ITGBL1: variants seen among roughly 807,000 people sequenced by gnomAD.
ITGBL1 encodes the protein integrin subunit beta like 1.
Under a neutral mutation model 68.5 loss-of-function variants are expected in ITGBL1, and 51 were observed. The observed-to-expected ratio is 0.74, with a 90% CI of 0.59 to 0.94. The LOEUF is 0.94. ITGBL1 is among the 40% of genes least tolerant of loss of function. ITGBL1 has a pLI of 0.00. For missense variants in ITGBL1, 649 were observed against 647.4 expected, an observed-to-expected ratio of 1.00 and a Z score of -0.03; for synonymous variants, 209 against 227.3, an observed-to-expected ratio of 0.92 and a Z score of 0.72.
intron 2 of ITGBL1, among the ~76,000 whole-genome samples, chr13:101,507,681 CAG>C (rs1318294439): frequency 6.6e-6 from 1 of 151,962 alleles, no homozygotes; most frequent in East Asian, 1.9e-4. Flanking sequence ...ATTGAGGTCA[CAG>C]AGCCATTGGA....
At chr13:101,710,929 A>T (rs2034436709) in intron 9 of ITGBL1, 1 of 152,236 alleles carries the variant, frequency 6.6e-6, no homozygotes, top group Non-Finnish European at 1.5e-5. Context: ...AGTTAGTACA[A>T]TAGTGAAAAC....
chr13:101,542,188 C>T lies in ITGBL1; in HGVS notation c.317-25511C>T, dbSNP rs1485358731. Among the ~76,000 whole-genome samples the T allele has an allele frequency of 3.9e-5, 6 of 152,278 alleles. No individual in the cohort carries two copies. The East Asian group carries it at 1.2e-3, about 29-fold the overall frequency. On this transcript the variant is annotated intron_variant, in intron 2 of 10. Coordinates refer to ENST00000376180, the MANE Select transcript of ITGBL1 (RefSeq NM_004791.3). ...GATCTTTCCTGCTTTCTCTTGTGGGCATTTAGTGCTATAAATTTCCCTGTA... is the reference window on the plus strand; with the variant it reads ...GATCTTTCCTGCTTTCTCTTGTGGGTATTTAGTGCTATAAATTTCCCTGTA...
intron 2 of ITGBL1, among the ~76,000 whole-genome samples, chr13:101,546,291 G>C (rs182181710): frequency 6.6e-6 from 1 of 152,108 alleles, no homozygotes; most frequent in Non-Finnish European, 1.5e-5. Flanking sequence ...TTTCATTGTC[G>C]AGGTGGTGGT....
intron 7 of ITGBL1, among the ~76,000 whole-genome samples, chr13:101,665,414 T>C (rs948937597): frequency 1.3e-5 from 2 of 152,034 alleles, no homozygotes; most frequent in Non-Finnish European, 2.9e-5. Flanking sequence ...AAAATTTATA[T>C]TTTAAATGTT....
intron 7 of ITGBL1, among the ~76,000 whole-genome samples, chr13:101,627,093 C>A (rs1389060343): frequency 1.3e-5 from 2 of 152,044 alleles, no homozygotes; most frequent in South Asian, 2.1e-4. Context: ...TTGAAACTTG[C>A]GGTTTTCTGT....
chr13:101,597,653 A>G (rs984454354), intron 6 of ITGBL1, among the ~76,000 whole-genome samples: 2 of 151,862 alleles, frequency 1.3e-5, no homozygotes, highest in African/African-American at 2.4e-5. Flanking sequence ...CCTGGGTTCA[A>G]GTGACTCTCC....
At chr13:101,465,193 C>T (rs75610504) in intron 2 of ITGBL1, among the ~76,000 whole-genome samples, 5,346 of 152,108 alleles carry the variant, frequency 0.035, 319 homozygotes, top group African/African-American at 0.12. Flanking sequence ...AGCTTCTTTT[C>T]TTTTTTCAAA....
At chr13:101,684,110 T>C (rs2033702054) in intron 7 of ITGBL1, among the ~76,000 whole-genome samples, 1 of 152,010 alleles carries the variant, frequency 6.6e-6, no homozygotes, top group Non-Finnish European at 1.5e-5. Context: ...CCAGCACCAT[T>C]TATGTGAAAA....
intron 7 of ITGBL1, among the ~76,000 whole-genome samples, chr13:101,599,872 A>G (rs2030243683): frequency 6.6e-6 from 1 of 152,170 alleles, no homozygotes; most frequent in Admixed American, 6.5e-5. Flanking sequence ...AGGTTGCGTG[A>G]TGCCTCCAGC....
At chr13:101,574,821 C>A (rs1227685059) in intron 3 of ITGBL1, among the ~76,000 whole-genome samples, 1 of 152,076 alleles carries the variant, frequency 6.6e-6, no homozygotes, top group Admixed American at 6.6e-5. Flanking sequence ...CCCTGAGAAT[C>A]TGGTGAGTTA....
intron 2 of ITGBL1, among the ~76,000 whole-genome samples, chr13:101,531,542 G>A (rs948692545): frequency 1.3e-5 from 2 of 150,294 alleles, no homozygotes; most frequent in East Asian, 3.9e-4. Flanking sequence ...TAAGACATTT[G>A]CACTCGAAAA....
chr13:101,716,402 G>A lies in ITGBL1; in HGVS notation c.*748G>A, dbSNP rs1039491359. On this transcript the variant is annotated 3_prime_UTR_variant, in exon 11 of 11. Coordinates refer to ENST00000376180, the MANE Select transcript of ITGBL1 (RefSeq NM_004791.3). ...TTCTCTTAAAGAAATTATGAAAAAT[G>A]TACAATTTAACATTTTAAATAAATA... 39 of 152,106 alleles carry A rather than the reference G, an allele frequency of 2.6e-4. No individual in the cohort carries two copies. Among genetic ancestry groups the A allele is most frequent in the African/African-American group, 9.2e-4 (38 of 41,418 alleles). The allele number at this position is 152,106 out of a possible 1,614,324, so 9.4% of individuals were successfully genotyped here.
At chr13:101,602,598 T>C (rs1452684355) in intron 7 of ITGBL1, among the ~76,000 whole-genome samples, 2 of 152,012 alleles carry the variant, frequency 1.3e-5, no homozygotes, top group Non-Finnish European at 2.9e-5. Flanking sequence ...ATAATTCACA[T>C]ACCACAAAAT....
chr13:101,673,814 G>A lies in ITGBL1; in HGVS notation c.1016-18771G>A, dbSNP rs79596802. Among the ~76,000 whole-genome samples, 1,094 of 152,164 alleles carry A rather than the reference G, an allele frequency of 7.2e-3. 8 individuals are homozygous for A. The highest frequency in any genetic ancestry group is 0.025 in the African/African-American group (1,022 of 41,512). ...AACTGATGAAGTTGGACTTAACAAC[G>A]AACACTCCCCACAGAACTCCTGATG... On this transcript the variant is annotated intron_variant, in intron 7 of 10. Coordinates refer to ENST00000376180, the MANE Select transcript of ITGBL1 (RefSeq NM_004791.3).
chr13:101,601,113 C>G (rs2030346938), intron 7 of ITGBL1, among the ~76,000 whole-genome samples: 1 of 152,094 alleles, frequency 6.6e-6, no homozygotes, highest in Admixed American at 6.6e-5. Flanking sequence ...AATTTCAGAG[C>G]CTGTTATTGG....
Position 101,636,768 on chromosome 13 carries a change from A to G in ITGBL1, c.1015+38469A>G, listed in dbSNP as rs369101015. 5.9e-5 allele frequency among the ~76,000 whole-genome samples: 9 copies of G among 152,264 alleles called. 1 individual carries two copies. Among genetic ancestry groups the G allele is most frequent in the Admixed American group, 3.3e-4 (5 of 15,276 alleles). On this transcript the variant is annotated intron_variant, in intron 7 of 10. Coordinates refer to ENST00000376180, the MANE Select transcript of ITGBL1 (RefSeq NM_004791.3). ...GGTCCTGGTGATTTTCAATATTGAAATACGTTCTATCATCTCTAAAGTTTC... is the reference window on the plus strand; with the variant it reads ...GGTCCTGGTGATTTTCAATATTGAAGTACGTTCTATCATCTCTAAAGTTTC...
rs531435446 is a variant in ITGBL1, at chr13:101,510,036, C to G, written c.316+55936C>G. Reference sequence around the variant, plus strand: ...GGAGTACTAGCTTTAATTAATTTATCTTTTACTTTCAGCTTTTATTTTAGA... The same window carrying G: ...GGAGTACTAGCTTTAATTAATTTATGTTTTACTTTCAGCTTTTATTTTAGA... On this transcript the variant is annotated intron_variant, in intron 2 of 10. Transcript: ENST00000376180. 2.6e-5 allele frequency among the ~76,000 whole-genome samples: 4 copies of G among 152,082 alleles called. No homozygotes were observed. In the South Asian group the frequency reaches 8.3e-4, roughly 32 times the overall value.
chr13:101,600,915 T>G (rs1418881945), intron 7 of ITGBL1, among the ~76,000 whole-genome samples: 2 of 152,186 alleles, frequency 1.3e-5, no homozygotes, highest in Non-Finnish European at 2.9e-5. Flanking sequence ...TTGTTGTGTC[T>G]CTGCCAGGCT....
At chr13:101,459,634 G>T (rs1400886801) in intron 2 of ITGBL1, among the ~76,000 whole-genome samples, 1 of 152,056 alleles carries the variant, frequency 6.6e-6, no homozygotes, top group Non-Finnish European at 1.5e-5. Context: ...CAGCTACTAG[G>T]GAGGCTGAGA....
Sources: allele counts gnomAD v4.1 joint callset (sites outside exome capture counted in the v4.1 genomes callset), GRCh38; gene constraint gnomAD v4.1.1; transcripts MANE v1.5; gene names NCBI Gene and HGNC (gene_info 2026-07-23, HGNC 2026-07-21).